The following BMPER variants were observed in gnomAD, a reference collection of about 807,000 sequenced individuals.
BMPER encodes the protein BMP binding endothelial regulator.
A neutral mutation model predicts 87.3 loss-of-function variants in BMPER; 45 were observed. The ratio of observed to expected loss-of-function variants is 0.52; its 90% CI spans 0.41 to 0.66. The LOEUF (loss-of-function observed/expected upper bound fraction) is 0.66. BMPER is among the 30% of genes least tolerant of loss of function. BMPER has a pLI of 0.00. For synonymous variants in BMPER, 326 were observed against 316.2 expected (o/e 1.03, Z -0.33); for missense variants, 784 against 867.5 (o/e 0.90, Z 1.21).
At chr7:33,954,829 A>G (rs1048216442) in intron 3 of BMPER, among the ~76,000 whole-genome samples, 1 of 152,068 alleles carries the variant, frequency 6.6e-6, no homozygotes, top group Non-Finnish European at 1.5e-5. Flanking sequence ...ATGGATCAGT[A>G]GCTGCTTTTC....
At chr7:34,059,315 C>T (rs570746356) in intron 10 of BMPER, among the ~76,000 whole-genome samples, 30 of 152,164 alleles carry the variant, frequency 2.0e-4, no homozygotes, top group East Asian at 7.7e-4. Flanking sequence ...CTCAGCAGGC[C>T]GCCGTGGAGT....
intron 13 of BMPER, among the ~76,000 whole-genome samples, chr7:34,099,058 G>A (rs1266182986): frequency 6.7e-6 from 1 of 149,894 alleles, no homozygotes; most frequent in Non-Finnish European, 1.5e-5. Context: ...CAATAATAAT[G>A]TACAGAACAA....
intron 6 of BMPER, among the ~76,000 whole-genome samples, chr7:34,027,368 C>T (rs1041523894): frequency 7.2e-5 from 11 of 152,058 alleles, no homozygotes; most frequent in African/African-American, 2.4e-4. Context: ...TTGTTATTCA[C>T]CACTGTGTAC....
At chr7:33,909,855 A>C (rs1038141492) in intron 2 of BMPER, among the ~76,000 whole-genome samples, 1 of 152,202 alleles carries the variant, frequency 6.6e-6, no homozygotes, top group African/African-American at 2.4e-5. Flanking sequence ...TAAGCTGTGA[A>C]ATGTTTCAAA....
intron 12 of BMPER, among the ~76,000 whole-genome samples, chr7:34,084,016 A>AG (rs1348946743): frequency 4.0e-5 from 6 of 151,880 alleles, no homozygotes; most frequent in Admixed American, 3.9e-4. Context: ...AAAAAAAAAA[A>AG]AAAAAGGCCG....
chr7:34,046,934 T>TC (rs1787988527), intron 7 of BMPER, among the ~76,000 whole-genome samples: 1 of 151,706 alleles, frequency 6.6e-6, no homozygotes, highest in South Asian at 2.1e-4. Context: ...TTATTTTTTT[T>TC]TTTTTCTCAT....
intron 13 of BMPER, among the ~76,000 whole-genome samples, chr7:34,092,934 G>A (rs920176698): frequency 2.0e-5 from 3 of 152,146 alleles, no homozygotes; most frequent in African/African-American, 7.2e-5. Flanking sequence ...TATCTTAACA[G>A]ATAGATTAAT....
At position 33,992,058 on chromosome 7, in the gene BMPER, AGGTGT is replaced by A. The variant is rs1168776998; in HGVS notation, c.576+17284_576+17288del. Among the ~76,000 whole-genome samples, 11 of 152,012 alleles carry A rather than the reference AGGTGT, an allele frequency of 7.2e-5. No individual in the cohort carries two copies. The East Asian group carries it at 1.7e-3, about 24-fold the overall frequency. The stretch of plus-strand genomic sequence containing the variant: ...CCCAGTATGTGGTCAATTTTGGAAT[AGGTGT>A]GGTGTGGTGCTGAAAATAAAGTATA... On this transcript the variant is annotated intron_variant, in intron 6 of 14. Coordinates refer to ENST00000649409, the MANE Select transcript of BMPER (RefSeq NM_001365308.1).
At chr7:34,009,989 A>T (rs561141951) in intron 6 of BMPER, among the ~76,000 whole-genome samples, 1 of 151,912 alleles carries the variant, frequency 6.6e-6, no homozygotes, top group Admixed American at 6.6e-5. Context: ...TGTTTTTCCC[A>T]GCTTCCTCCT....
At chr7:33,951,348 G>A (rs527804963) in intron 3 of BMPER, among the ~76,000 whole-genome samples, 2 of 152,096 alleles carry the variant, frequency 1.3e-5, no homozygotes, top group South Asian at 4.2e-4. Context: ...GCACCTGGAC[G>A]GGAGGGTTTC....
chr7:33,980,504 G>A (rs542989326), intron 6 of BMPER, among the ~76,000 whole-genome samples: 2 of 152,222 alleles, frequency 1.3e-5, no homozygotes, highest in Non-Finnish European at 2.9e-5. Flanking sequence ...TCAGGAAACA[G>A]GATGGTGGTA....
chr7:34,133,171 GA>G (rs1375358851), intron 13 of BMPER, among the ~76,000 whole-genome samples: 1 of 152,166 alleles, frequency 6.6e-6, no homozygotes, highest in African/African-American at 2.4e-5. Flanking sequence ...TCAGGATGGA[GA>G]GGGGCTCCAT....
chr7:34,103,528 G>A (rs114403930), intron 13 of BMPER, among the ~76,000 whole-genome samples: 3,468 of 152,218 alleles, frequency 0.023, 119 homozygotes, highest in African/African-American at 0.078. Context: ...GTTTTCCTCT[G>A]AATTTAAGCT....
chr7:34,134,382 G>A lies in BMPER; in HGVS notation c.1746-8848G>A, dbSNP rs180927652. Among the ~76,000 whole-genome samples the A allele has an allele frequency of 2.0e-3, 306 of 152,240 alleles. 7 individuals carry two copies. Among genetic ancestry groups the A allele is most frequent in the Non-Finnish European group, 8.1e-4 (55 of 68,020 alleles). On this transcript the variant is annotated intron_variant, in intron 13 of 14. Transcript: ENST00000649409. ...TGCAGTAACTCTCGGCCACTAGAGG[G>A]GGGTCGTGACCAAGCTTCCCTCTCC...
chr7:34,093,258 A>G (rs886502463), intron 13 of BMPER, among the ~76,000 whole-genome samples: 7 of 152,200 alleles, frequency 4.6e-5, no homozygotes, highest in Non-Finnish European at 8.8e-5. Flanking sequence ...TGTCCACAGT[A>G]TCCACTGGGC....
intron 2 of BMPER, among the ~76,000 whole-genome samples, chr7:33,936,076 C>T (rs1160758856): frequency 1.1e-4 from 16 of 152,142 alleles, no homozygotes; most frequent in African/African-American, 4.8e-5. Context: ...CCTGCAGGCT[C>T]GCATGTGTCT....
At position 33,937,474 on chromosome 7, in the gene BMPER, C is replaced by A. The variant is rs529689206; in HGVS notation, c.319+86C>A. Reference sequence around the variant, plus strand: ...TTCTCTCACCTTCCTTTTCACTCAGCTTTTGGCTGGGGTGCACATGGGTGG... The same window carrying A: ...TTCTCTCACCTTCCTTTTCACTCAGATTTTGGCTGGGGTGCACATGGGTGG... On this transcript the variant is annotated intron_variant, in intron 3 of 14. Coordinates refer to ENST00000649409, the MANE Select transcript of BMPER (RefSeq NM_001365308.1). 1,055 of 1,416,616 alleles carry A rather than the reference C, an allele frequency of 7.4e-4. 2 individuals are homozygous for A. The highest frequency in any genetic ancestry group is 8.8e-4 in the Non-Finnish European group (891 of 1,012,294). The allele number at this position is 1,416,616 out of a possible 1,614,324, so 87.8% of individuals were successfully genotyped here.
At chr7:33,916,525 C>T (rs1195010495) in intron 2 of BMPER, among the ~76,000 whole-genome samples, 2 of 152,228 alleles carry the variant, frequency 1.3e-5, no homozygotes, top group African/African-American at 2.4e-5. Flanking sequence ...GATTGGGCCT[C>T]CTTCTAGAAA....
At chr7:34,099,005 G>A (rs1310821612) in intron 13 of BMPER, among the ~76,000 whole-genome samples, 1 of 152,206 alleles carries the variant, frequency 6.6e-6, no homozygotes, top group Non-Finnish European at 1.5e-5. Flanking sequence ...GAACATGTGC[G>A]ATGTGCCTGG....
Sources: gnomAD v4.1 joint callset for allele counts (sites outside exome capture counted in the v4.1 genomes callset) on GRCh38, gnomAD v4.1.1 for gene constraint, MANE v1.5 for transcripts, NCBI Gene and HGNC (gene_info 2026-07-23, HGNC 2026-07-21) for gene names.